The following TCF4 variants were observed in gnomAD, a reference collection of about 807,000 sequenced individuals.
TCF4 encodes the protein SL3-3 enhancer factor 2.
TCF4 carries 3 observed loss-of-function variants against 82.1 expected under a neutral mutation model. The observed-to-expected ratio is 0.04, with a 90% confidence interval of 0.02 to 0.09. The LOEUF (loss-of-function observed/expected upper bound fraction) is 0.09. Among genes scored for constraint, TCF4 ranks in the 10% least tolerant of loss-of-function variants. TCF4 has a pLI of 1.00. For synonymous variants in TCF4, 276 were observed against 309.6 expected (o/e 0.89, Z 1.14); for missense variants, 518 against 852.7 (o/e 0.61, Z 4.89).
chr18:55,500,614 T>C (rs1455451384), intron 3 of TCF4, among the ~76,000 whole-genome samples: 1 of 152,184 alleles, frequency 6.6e-6, no homozygotes, highest in African/African-American at 2.4e-5. Context: ...ACAGATAAAA[T>C]AGGCATGCTC....
intron 8 of TCF4, among the ~76,000 whole-genome samples, chr18:55,335,151 C>T (rs1055210476): frequency 1.3e-4 from 20 of 152,120 alleles, no homozygotes; most frequent in Non-Finnish European, 7.3e-5. Context: ...TAATTTATCC[C>T]GTCGTGTGTA....
intron 8 of TCF4, among the ~76,000 whole-genome samples, chr18:55,297,160 T>G (rs538152735): frequency 2.1e-4 from 29 of 140,362 alleles, no homozygotes; most frequent in African/African-American, 6.5e-4. Context: ...TTTTTTTTTT[T>G]TTTTTTTTTT....
At chr18:55,549,101 G>A (rs2097234404) in intron 3 of TCF4, among the ~76,000 whole-genome samples, 1 of 152,066 alleles carries the variant, frequency 6.6e-6, no homozygotes, top group South Asian at 2.1e-4. Context: ...AGGAGTCTAA[G>A]ACCAGCTTGA....
chr18:55,376,563 A>C (rs1433685864), intron 6 of TCF4, among the ~76,000 whole-genome samples: 2 of 152,166 alleles, frequency 1.3e-5, no homozygotes, highest in African/African-American at 4.8e-5. Context: ...CTCAAACCTA[A>C]GTATGCAAAG....
chr18:55,621,363 T>C (rs11151194), intron 2 of TCF4, among the ~76,000 whole-genome samples: 133,668 of 133,884 alleles, frequency 1, 66,727 homozygotes, highest in Middle Eastern at 1. Context: ...AAAAAGATAC[T>C]TTCTTTAAAC....
At chr18:55,279,755 T>G in intron 8 of TCF4, 99 bp from the exon 9 acceptor site, 2 of 1,556,912 alleles carry the variant, frequency 1.3e-6, no homozygotes, top group Non-Finnish European at 1.7e-6. Flanking sequence ...GCTACATTTC[T>G]ACCCTTTCCA....
chr18:55,359,507 C>T (rs867848223), intron 6 of TCF4, among the ~76,000 whole-genome samples: 1 of 152,106 alleles, frequency 6.6e-6, no homozygotes, highest in African/African-American at 2.4e-5. Context: ...GGGTGGGCCC[C>T]GGTACACAGT....
rs2069900453 is a variant in TCF4 at position 55,305,311 on chromosome 18, T to TA, written c.550-25656dup. ...TTTAATTTTAATTATTGATTATAAC[T>TA]ACAATTTTTCGATCTAAGTAATGAA... On this transcript the variant is annotated intron_variant, in intron 8 of 19. Coordinates refer to ENST00000354452, the MANE Select transcript of TCF4 (RefSeq NM_001083962.2). 2.6e-5 allele frequency among the ~76,000 whole-genome samples: 4 copies of TA among 152,286 alleles called. No homozygotes were observed. In the South Asian group the frequency reaches 8.3e-4, roughly 32 times the overall value.
intron 5 of TCF4, among the ~76,000 whole-genome samples, chr18:55,430,762 T>C (rs560574225): frequency 9.8e-5 from 15 of 152,302 alleles, no homozygotes; most frequent in African/African-American, 3.6e-4. Context: ...ATCATGGAAT[T>C]TGCTGTGCCA....
intron 6 of TCF4, among the ~76,000 whole-genome samples, chr18:55,357,774 G>A (rs1453983396): frequency 6.6e-6 from 1 of 152,084 alleles, no homozygotes; most frequent in African/African-American, 2.4e-5. Context: ...AGGAACCAGG[G>A]TCATGTGGCC....
At chr18:55,255,260 C>G (rs936058811) in intron 14 of TCF4, among the ~76,000 whole-genome samples, 1 of 152,046 alleles carries the variant, frequency 6.6e-6, no homozygotes, top group Non-Finnish European at 1.5e-5. Context: ...TCATCAAAAC[C>G]AGTGGGTGTG....
At chr18:55,354,428 A>C (rs1230771791) in intron 6 of TCF4, among the ~76,000 whole-genome samples, 1 of 152,160 alleles carries the variant, frequency 6.6e-6, no homozygotes, top group Admixed American at 6.6e-5. Context: ...ATTCCTTTTC[A>C]GGGGAGCTTC....
At chr18:55,307,792 A>G (rs1225593172) in intron 8 of TCF4, among the ~76,000 whole-genome samples, 2 of 152,220 alleles carry the variant, frequency 1.3e-5, no homozygotes, top group African/African-American at 4.8e-5. Flanking sequence ...TTAGAAGCCC[A>G]AGGCATCTGC....
At chr18:55,346,955 T>C (rs2081306873) in intron 8 of TCF4, among the ~76,000 whole-genome samples, 1 of 152,144 alleles carries the variant, frequency 6.6e-6, no homozygotes, top group South Asian at 2.1e-4. Context: ...CTATAGTACA[T>C]TTTTCTGTGT....
rs112621325 is a variant in TCF4, at chr18:55,361,481, A to G, written c.370-10478T>C. On this transcript the variant is annotated intron_variant, in intron 6 of 19. Coordinates refer to ENST00000354452, the MANE Select transcript of TCF4 (RefSeq NM_001083962.2). Reference sequence around the variant, plus strand: ...GTTCCCTAATTACTCTCTTGCTCATACAAACGTTTCTCTGCACTTTTACAA... The same window carrying G: ...GTTCCCTAATTACTCTCTTGCTCATGCAAACGTTTCTCTGCACTTTTACAA... 9.3e-3 allele frequency among the ~76,000 whole-genome samples: 1,419 copies of G among 152,322 alleles called. 13 individuals carry two copies. Among genetic ancestry groups the G allele is most frequent in the Non-Finnish European group, 0.016 (1,069 of 68,024 alleles).
intron 5 of TCF4, among the ~76,000 whole-genome samples, chr18:55,441,852 T>C (rs1186312988): frequency 3.3e-5 from 5 of 152,180 alleles, no homozygotes; most frequent in Non-Finnish European, 5.9e-5. Flanking sequence ...ATAGTGTGCA[T>C]TTGTGTGCTG....
chr18:55,413,319 C>T (rs967264922), intron 5 of TCF4, among the ~76,000 whole-genome samples: 2 of 152,208 alleles, frequency 1.3e-5, no homozygotes, highest in African/African-American at 4.8e-5. Flanking sequence ...ATCCCCTAAA[C>T]ATGCACTACT....
intron 6 of TCF4, among the ~76,000 whole-genome samples, chr18:55,362,472 C>T (rs576562146): frequency 3.0e-4 from 45 of 151,172 alleles, no homozygotes; most frequent in African/African-American, 1.0e-3. Flanking sequence ...TGACCCTGAC[C>T]TTTGGACTCC....
intron 5 of TCF4, among the ~76,000 whole-genome samples, chr18:55,437,479 T>C (rs1012743140): frequency 1.3e-5 from 2 of 152,316 alleles, no homozygotes; most frequent in East Asian, 3.9e-4. Context: ...AAATTATTAA[T>C]TTTTTGCACA....
Sources: gnomAD v4.1 joint callset for allele counts (sites outside exome capture counted in the v4.1 genomes callset) on GRCh38, gnomAD v4.1.1 for gene constraint, MANE v1.5 for transcripts, NCBI Gene and HGNC (gene_info 2026-07-23, HGNC 2026-07-21) for gene names.